DLG1: variants seen among roughly 807,000 people sequenced by gnomAD.
DLG1 encodes disks large homolog 1.
DLG1 carries 42 observed loss-of-function variants against 123.4 expected under a neutral mutation model. That is an observed-to-expected ratio of 0.34 (90% CI 0.27 to 0.44). DLG1 has a LOEUF of 0.44. DLG1 is among the 20% of genes least tolerant of loss of function. DLG1 has a pLI of 1.00. For synonymous variants in DLG1, 317 were observed against 356.2 expected, an observed-to-expected ratio of 0.89 and a Z score of 1.24; for missense variants, 942 against 1,082.6, an observed-to-expected ratio of 0.87 and a Z score of 1.82.
intron 5 of DLG1, among the ~76,000 whole-genome samples, chr3:197,176,380 T>G (rs546184810): frequency 6.6e-6 from 1 of 152,278 alleles, no homozygotes; most frequent in South Asian, 2.1e-4. Context: ...CCATGGGTTT[T>G]GACATGTGTT....
intron 13 of DLG1, 63 bp from the exon 14 acceptor site, chr3:197,105,068 G>T: frequency 9.3e-7 from 1 of 1,078,108 alleles, no homozygotes; most frequent in Non-Finnish European, 1.4e-6. Context: ...AATCACAATA[G>T]TCTATTCTTT....
Position 197,059,074 on chromosome 3 carries a change from C to T in DLG1, c.2483+815G>A, listed in dbSNP as rs553845600. 5.3e-5 allele frequency among the ~76,000 whole-genome samples: 8 copies of T among 152,192 alleles called. 1 individual carries two copies. Among genetic ancestry groups the T allele is most frequent in the South Asian group, 4.1e-4 (2 of 4,822 alleles). On this transcript the variant is annotated intron_variant, in intron 23 of 24. Transcript: ENST00000667157. ...CCGAGTAGCTGGGACTACAGGTGCC[C>T]GCGACCACGCCCGGCTAATTTTCTG...
rs1553827364 is a variant in DLG1 at position 197,288,743 on chromosome 3, A to AAAACATACATAC, written c.152-5899_152-5898insGTATGTATGTTT. Reference sequence around the variant, plus strand: ...TCAAAAAAAAAAAAAAAAAAAAAAAAATACATACATACATACATACATACA... The same window carrying AAAACATACATAC: ...TCAAAAAAAAAAAAAAAAAAAAAAAAAAACATACATACATACATACATACATACATACATACA... On this transcript the variant is annotated intron_variant, in intron 3 of 24. Transcript: ENST00000667157. Among the ~76,000 whole-genome samples the AAAACATACATAC allele has an allele frequency of 3.8e-3, 275 of 72,104 alleles. 2 individuals carry two copies. Among genetic ancestry groups the AAAACATACATAC allele is most frequent in the Non-Finnish European group, 5.0e-3 (208 of 41,420 alleles). 47.3% of individuals were successfully genotyped at this position (72,104 alleles called of 152,430 possible).
intron 5 of DLG1, among the ~76,000 whole-genome samples, chr3:197,172,378 T>C (rs1025319218): frequency 6.6e-6 from 1 of 152,176 alleles, no homozygotes; most frequent in African/African-American, 2.4e-5. Context: ...TATAATTATA[T>C]ACAAAAATAA....
intron 4 of DLG1, among the ~76,000 whole-genome samples, chr3:197,247,514 G>A (rs1396496720): frequency 6.6e-6 from 1 of 152,028 alleles, no homozygotes. Context: ...CCAACACAGG[G>A]CATAATCTAT....
rs1299861705 is a variant in DLG1 at position 197,065,798 on chromosome 3, G to A, written c.2110C>T (p.Arg704Ter). ...PVNQQEVNYT[R>*]PVIILGPMKD... is the part of the protein sequence containing the mutation. ...ATAGGTCCCAATATGATCACTGGTC[G>A]AGTATAATTAACTATAAAGATAAAC... The change falls in exon 21 of 25, where the codon CGA becomes TGA. Residue 704 changes from arginine to a stop codon, truncating the protein, a stop_gained. Coordinates refer to ENST00000667157, the MANE Select transcript of DLG1 (RefSeq NM_001366207.1). LOFTEE classifies it high-confidence loss of function. 1 of 1,580,712 alleles carries A rather than the reference G, an allele frequency of 6.3e-7. No individual in the cohort carries two copies. Among genetic ancestry groups the A allele is most frequent in the Non-Finnish European group, 8.7e-7 (1 of 1,153,140 alleles).
At chr3:197,264,249 T>C (rs531914860) in intron 4 of DLG1, among the ~76,000 whole-genome samples, 11 of 152,192 alleles carry the variant, frequency 7.2e-5, no homozygotes, top group Admixed American at 5.9e-4. Context: ...TTTAAGTTGT[T>C]TGAGATATGG....
intron 18 of DLG1, chr3:197,075,902 TA>T: frequency 6.2e-7 from 1 of 1,601,524 alleles, no homozygotes; most frequent in Non-Finnish European, 8.5e-7. Context: ...GAGCAAGCAA[TA>T]AAAAGATAAT....
chr3:197,062,267 GT>G (rs1268837585), intron 22 of DLG1, among the ~76,000 whole-genome samples: 1 of 152,162 alleles, frequency 6.6e-6, no homozygotes, highest in Non-Finnish European at 1.5e-5. Flanking sequence ...CAACATGCCT[GT>G]TTTATAATTA....
chr3:197,261,480 T>A (rs978821428), intron 4 of DLG1, among the ~76,000 whole-genome samples: 1 of 152,198 alleles, frequency 6.6e-6, no homozygotes, highest in African/African-American at 2.4e-5. Flanking sequence ...CTAACAAATT[T>A]TTAATGCATA....
chr3:197,296,339 T>G lies in DLG1; in HGVS notation c.151+7A>C, dbSNP rs1777356178. 1.9e-6 allele frequency: 3 copies of G among 1,612,124 alleles called. No individual in the cohort carries two copies. Among genetic ancestry groups the G allele is most frequent in the African/African-American group, 2.7e-5 (2 of 74,930 alleles). On this transcript the variant is annotated splice_region_variant and intron_variant, in intron 3 of 24. Coordinates refer to ENST00000667157, the MANE Select transcript of DLG1 (RefSeq NM_001366207.1). ...TGGCATAATAGTTACGAAGTTTTAA[T>G]TCCCACCTATTAAAGCCTGAAAGAG...
At chr3:197,149,825 C>A in intron 5 of DLG1, 29 bp from the exon 6 acceptor site, 3 of 1,359,196 alleles carry the variant, frequency 2.2e-6, no homozygotes, top group Admixed American at 1.8e-5. Context: ...AATGTGTTAA[C>A]AAGAAAATAA....
At chr3:197,129,934 T>A (rs1222073789) in intron 11 of DLG1, among the ~76,000 whole-genome samples, 1 of 152,156 alleles carries the variant, frequency 6.6e-6, no homozygotes, top group African/African-American at 2.4e-5. Context: ...GATCACATAT[T>A]ACTGTAACAG....
chr3:197,231,697 T>TTAAAA (rs1743175209), intron 4 of DLG1, among the ~76,000 whole-genome samples: 1 of 126,758 alleles, frequency 7.9e-6, no homozygotes, highest in African/African-American at 2.7e-5. Flanking sequence ...CAGACCCTGT[T>TTAAAA]AAAAAAAAAA....
At chr3:197,250,421 T>C (rs185490425) in intron 4 of DLG1, among the ~76,000 whole-genome samples, 1 of 151,536 alleles carries the variant, frequency 6.6e-6, no homozygotes, top group East Asian at 2.0e-4. Flanking sequence ...TACAAAAAAT[T>C]AGCTGGGCGT....
intron 12 of DLG1, among the ~76,000 whole-genome samples, chr3:197,119,029 T>C (rs951340183): frequency 3.3e-5 from 5 of 152,088 alleles, no homozygotes; most frequent in African/African-American, 9.7e-5. Flanking sequence ...CCACCACTTA[T>C]TGAATTCTGA....
At chr3:197,119,289 A>G in intron 12 of DLG1, 121 bp downstream of exon 12, 4 of 706,728 alleles carry the variant, frequency 5.7e-6, no homozygotes, top group South Asian at 6.2e-5. Context: ...ATTAACCTTT[A>G]AGCTCACTAA....
chr3:197,214,695 G>A (rs1211445928), intron 4 of DLG1, among the ~76,000 whole-genome samples: 2 of 152,128 alleles, frequency 1.3e-5, no homozygotes, highest in Non-Finnish European at 2.9e-5. Context: ...AGGGGTAGGA[G>A]GAGGGAGAGC....
chr3:197,193,322 A>G (rs1256039180), intron 5 of DLG1, among the ~76,000 whole-genome samples: 1 of 152,182 alleles, frequency 6.6e-6, no homozygotes, highest in African/African-American at 2.4e-5. Context: ...TCACACTCAG[A>G]TACCATTTTG....
Sources: allele counts gnomAD v4.1 joint callset (sites outside exome capture counted in the v4.1 genomes callset), GRCh38; gene constraint gnomAD v4.1.1; transcripts MANE v1.5; gene names NCBI Gene and HGNC (gene_info 2026-07-23, HGNC 2026-07-21).